The following CMSS1 variants were observed in gnomAD, a reference collection of about 807,000 sequenced individuals.
CMSS1 encodes protein CMSS1.
A neutral mutation model predicts 43.5 loss-of-function variants in CMSS1; 33 were observed. The observed-to-expected ratio is 0.76, with a 90% CI of 0.57 to 1.01. CMSS1 has a LOEUF of 1.01. Among genes scored for constraint, CMSS1 ranks in the 50% least tolerant of loss-of-function variants. CMSS1 has a pLI of 0.00. For missense variants in CMSS1, 313 were observed against 326.4 expected (o/e 0.96, Z 0.32); for synonymous variants, 115 against 117.2 (o/e 0.98, Z 0.12).
chr3:100,016,323 G>C (rs1223484334), intron 1 of CMSS1, among the ~76,000 whole-genome samples: 1 of 152,156 alleles, frequency 6.6e-6, no homozygotes, highest in Non-Finnish European at 1.5e-5. Context: ...CTCCCGAGTA[G>C]GTGGGATTAC....
intron 1 of CMSS1, among the ~76,000 whole-genome samples, chr3:99,936,047 T>C (rs1303832005): frequency 6.6e-6 from 1 of 152,142 alleles, no homozygotes; most frequent in Admixed American, 6.5e-5. Context: ...AAAATTACTC[T>C]ACATAGTTAG....
intron 1 of CMSS1, among the ~76,000 whole-genome samples, chr3:99,962,355 G>GT: frequency 6.6e-6 from 1 of 152,166 alleles, no homozygotes; most frequent in East Asian, 1.9e-4. Flanking sequence ...GATATTTATT[G>GT]TTCTCTTGGG....
intron 1 of CMSS1, among the ~76,000 whole-genome samples, chr3:99,927,664 C>T (rs753774287): frequency 1.1e-4 from 16 of 152,124 alleles, no homozygotes; most frequent in Non-Finnish European, 2.1e-4. Context: ...CCACTGCGCC[C>T]GGCCCATATT....
Position 100,179,007 on chromosome 3 carries a change from A to AT in CMSS1, c.*620dup. 1 of 158,764 alleles carries AT rather than the reference A, an allele frequency of 6.3e-6. No homozygotes were observed. Among genetic ancestry groups the AT allele is most frequent in the East Asian group, 1.8e-4 (1 of 5,464 alleles). 9.8% of individuals were successfully genotyped at this position (158,764 alleles called of 1,614,324 possible). Reference sequence around the variant, plus strand: ...GAAGGGGAAGCAAGCACATCTTCACATGGCGACAAGAGAGCAAGAGAGTGA... The same window carrying AT: ...GAAGGGGAAGCAAGCACATCTTCACATTGGCGACAAGAGAGCAAGAGAGTGA... On this transcript the variant is annotated 3_prime_UTR_variant, in exon 10 of 10. Coordinates refer to ENST00000421999, the MANE Select transcript of CMSS1 (RefSeq NM_032359.4).
chr3:100,162,435 A>G lies in CMSS1; in HGVS notation c.355+3A>G, dbSNP rs1362197178. On this transcript the variant is annotated splice_donor_region_variant and intron_variant, in intron 4 of 9. Transcript: ENST00000421999. ...ATTAGAAGAACTGAACCTGCCAGGT[A>G]TAGCCAAGCTTCAATTTTCCTAAAG... The G allele has an allele frequency of 6.8e-6, 11 of 1,608,186 alleles. No homozygotes were observed. The highest frequency in any genetic ancestry group is 9.3e-6 in the Non-Finnish European group (11 of 1,177,486).
chr3:100,098,598 CA>C (rs1481225646), intron 1 of CMSS1, among the ~76,000 whole-genome samples: 2 of 152,188 alleles, frequency 1.3e-5, no homozygotes, highest in East Asian at 3.8e-4. Context: ...AATACCAGTA[CA>C]TGCAAGGAAG....
intron 1 of CMSS1, among the ~76,000 whole-genome samples, chr3:100,086,881 A>G (rs2066018278): frequency 6.6e-6 from 1 of 151,794 alleles, no homozygotes; most frequent in African/African-American, 2.4e-5. Context: ...TCTATTCTCA[A>G]CCCCTAGTAA....
chr3:100,124,986 T>C (rs2066652240), intron 1 of CMSS1, among the ~76,000 whole-genome samples: 1 of 152,156 alleles, frequency 6.6e-6, no homozygotes, highest in South Asian at 2.1e-4. Flanking sequence ...GAGTAAGGGC[T>C]GTTTATTCTC....
intron 1 of CMSS1, among the ~76,000 whole-genome samples, chr3:100,062,571 A>G (rs1163903788): frequency 1.3e-5 from 2 of 152,098 alleles, no homozygotes; most frequent in African/African-American, 2.4e-5. Context: ...GTTTTTTCCA[A>G]GAGATTTGTG....
At chr3:99,991,072 T>G (rs535471564) in intron 1 of CMSS1, among the ~76,000 whole-genome samples, 2 of 152,280 alleles carry the variant, frequency 1.3e-5, no homozygotes, top group South Asian at 2.1e-4. Context: ...CAAATGTCAC[T>G]GGGGGTCAGT....
chr3:99,972,727 C>A (rs1366954496), intron 1 of CMSS1, among the ~76,000 whole-genome samples: 1 of 152,206 alleles, frequency 6.6e-6, no homozygotes, highest in Non-Finnish European at 1.5e-5. Context: ...TTTACCCCTA[C>A]CCTAAGATAT....
At chr3:99,930,984 G>A (rs1707464294) in intron 1 of CMSS1, 1 of 1,613,338 alleles carries the variant, frequency 6.2e-7, no homozygotes. Context: ...AATTTCTTTT[G>A]GGCTGAGCCC....
At chr3:99,996,592 T>G (rs1371517117) in intron 1 of CMSS1, among the ~76,000 whole-genome samples, 1 of 152,084 alleles carries the variant, frequency 6.6e-6, no homozygotes, top group Non-Finnish European at 1.5e-5. Flanking sequence ...TACCCAAGAC[T>G]GGGAAGAAAA....
At chr3:100,163,415 G>T (rs1317634038) in intron 4 of CMSS1, among the ~76,000 whole-genome samples, 1 of 152,152 alleles carries the variant, frequency 6.6e-6, no homozygotes, top group South Asian at 2.1e-4. Flanking sequence ...TATGTTTTGC[G>T]AGGCTGACAC....
chr3:100,075,234 T>A (rs1028944788), intron 1 of CMSS1, among the ~76,000 whole-genome samples: 2 of 152,198 alleles, frequency 1.3e-5, no homozygotes, highest in African/African-American at 4.8e-5. Flanking sequence ...GATATATCAA[T>A]GCAATATGAT....
chr3:99,848,183 C>A (rs1167590287), intron 1 of CMSS1: 1 of 1,539,848 alleles, frequency 6.5e-7, no homozygotes, highest in African/African-American at 1.4e-5. Context: ...AGTACGAGTT[C>A]AGTCAGTCTT....
At chr3:100,127,052 G>A (rs1352483146) in intron 1 of CMSS1, among the ~76,000 whole-genome samples, 33 of 152,008 alleles carry the variant, frequency 2.2e-4, no homozygotes, top group Admixed American at 2.1e-3. Flanking sequence ...AAAGCAGACA[G>A]GCAGGCAGCT....
chr3:99,943,568 G>C (rs1052425337), intron 1 of CMSS1, among the ~76,000 whole-genome samples: 3 of 152,088 alleles, frequency 2.0e-5, no homozygotes, highest in Non-Finnish European at 4.4e-5. Context: ...GCCGGGCGTG[G>C]TGGCATGCGC....
intron 1 of CMSS1, chr3:99,848,055 T>C: frequency 7.8e-7 from 1 of 1,277,434 alleles, no homozygotes; most frequent in Non-Finnish European, 9.9e-7. Context: ...GCAGACTAAA[T>C]ATTTTCCATA....
Sources: allele counts gnomAD v4.1 joint callset (sites outside exome capture counted in the v4.1 genomes callset), GRCh38; gene constraint gnomAD v4.1.1; transcripts MANE v1.5; gene names NCBI Gene and HGNC (gene_info 2026-07-23, HGNC 2026-07-21).